The following LHFPL3 variants were observed in gnomAD, a reference collection of about 807,000 sequenced individuals.
LHFPL3 encodes the protein LHFPL tetraspan subfamily member 3, also known as LHFPL tetraspan subfamily member 3 protein.
LHFPL3 carries 5 observed loss-of-function variants against 19.3 expected under a neutral mutation model. That is an observed-to-expected ratio of 0.26 (90% CI 0.14 to 0.54). The LOEUF (loss-of-function observed/expected upper bound fraction) is 0.54. LHFPL3 is among the 20% of genes least tolerant of loss of function. LHFPL3 has a pLI of 0.94. For synonymous variants in LHFPL3, 133 were observed against 126.2 expected (o/e 1.05, Z -0.36); for missense variants, 249 against 307.4 (o/e 0.81, Z 1.42).
At chr7:104,792,497 C>T (rs946528358) in intron 2 of LHFPL3, among the ~76,000 whole-genome samples, 6 of 152,190 alleles carry the variant, frequency 3.9e-5, no homozygotes, top group African/African-American at 1.4e-4. Flanking sequence ...AGCTTTTTCA[C>T]TATTGGCTCT....
At chr7:104,542,477 G>A (rs546826713) in intron 1 of LHFPL3, among the ~76,000 whole-genome samples, 2 of 152,236 alleles carry the variant, frequency 1.3e-5, no homozygotes, top group African/African-American at 4.8e-5. Context: ...CCTTGTCACA[G>A]ACTGGGGCTG....
chr7:104,338,281 A>G (rs1038542071), intron 1 of LHFPL3, among the ~76,000 whole-genome samples: 2 of 151,692 alleles, frequency 1.3e-5, no homozygotes, highest in African/African-American at 2.4e-5. Context: ...TTGTATTTTT[A>G]GTAGAGACGG....
At chr7:104,337,948 T>C (rs1382208366) in intron 1 of LHFPL3, among the ~76,000 whole-genome samples, 1 of 152,176 alleles carries the variant, frequency 6.6e-6, no homozygotes, top group Non-Finnish European at 1.5e-5. Flanking sequence ...TACTGTAGTG[T>C]TTTAAAAACC....
intron 1 of LHFPL3, among the ~76,000 whole-genome samples, chr7:104,643,810 T>C (rs1476684582): frequency 6.6e-6 from 1 of 152,216 alleles, no homozygotes; most frequent in Non-Finnish European, 1.5e-5. Flanking sequence ...ATCTTCAGTG[T>C]AAAGCTTCCA....
intron 1 of LHFPL3, among the ~76,000 whole-genome samples, chr7:104,425,749 A>G (rs573693707): frequency 6.6e-6 from 1 of 152,312 alleles, no homozygotes; most frequent in East Asian, 1.9e-4. Context: ...TGTCTGAAGG[A>G]TTCTTTTAAC....
At chr7:104,565,199 A>T (rs774926276) in intron 1 of LHFPL3, among the ~76,000 whole-genome samples, 1 of 152,250 alleles carries the variant, frequency 6.6e-6, no homozygotes, top group Non-Finnish European at 1.5e-5. Context: ...AAGATGACAG[A>T]TTTACTGAAA....
At chr7:104,337,812 C>T (rs376716646) in intron 1 of LHFPL3, among the ~76,000 whole-genome samples, 4 of 152,102 alleles carry the variant, frequency 2.6e-5, no homozygotes, top group Non-Finnish European at 5.9e-5. Context: ...TAATAGCCAG[C>T]GATATTGTGG....
chr7:104,617,280 T>G (rs545124017), intron 1 of LHFPL3, among the ~76,000 whole-genome samples: 2 of 152,166 alleles, frequency 1.3e-5, no homozygotes, highest in South Asian at 4.2e-4. Context: ...ATTCAGAAAT[T>G]TTCAAACTTT....
chr7:104,899,619 G>C (rs1043375215), intron 2 of LHFPL3, among the ~76,000 whole-genome samples: 4 of 152,190 alleles, frequency 2.6e-5, no homozygotes, highest in African/African-American at 9.7e-5. Context: ...GAACAGAGAT[G>C]AATTTATTAT....
intron 1 of LHFPL3, among the ~76,000 whole-genome samples, chr7:104,708,150 C>T (rs2116202426): frequency 6.6e-6 from 1 of 152,298 alleles, no homozygotes; most frequent in South Asian, 2.1e-4. Context: ...CCCAAGAGAG[C>T]AAGGTCTTTG....
At position 104,502,491 on chromosome 7, in the gene LHFPL3, A is replaced by T. The variant is rs1167509537; in HGVS notation, c.445+173267A>T. Among the ~76,000 whole-genome samples the T allele has an allele frequency of 2.0e-5, 3 of 152,332 alleles. No individual in the cohort carries two copies. In the East Asian group the frequency reaches 5.8e-4, roughly 29 times the overall value. ...GCAAAAGAGTATAGAAATGGCATCT[A>T]CATGTTGGCTAAGCCATCTGGACTG... On this transcript the variant is annotated intron_variant, in intron 1 of 2. Coordinates refer to ENST00000424859, the MANE Select transcript of LHFPL3 (RefSeq NM_199000.3).
At chr7:104,627,641 C>A (rs1216157680) in intron 1 of LHFPL3, among the ~76,000 whole-genome samples, 3 of 152,138 alleles carry the variant, frequency 2.0e-5, no homozygotes, top group Non-Finnish European at 4.4e-5. Context: ...AAACAAGGAC[C>A]CTTTTAGCTT....
intron 1 of LHFPL3, among the ~76,000 whole-genome samples, chr7:104,719,954 G>T (rs1793456216): frequency 6.6e-6 from 1 of 152,132 alleles, no homozygotes; most frequent in Non-Finnish European, 1.5e-5. Flanking sequence ...ATAACAAATG[G>T]CAGCCTCCTA....
At chr7:104,442,688 G>T (rs1358255019) in intron 1 of LHFPL3, among the ~76,000 whole-genome samples, 1 of 152,158 alleles carries the variant, frequency 6.6e-6, no homozygotes, top group Admixed American at 6.5e-5. Context: ...GCAATGTTTA[G>T]TTAGATTATT....
chr7:104,607,232 C>T (rs574871679), intron 1 of LHFPL3, among the ~76,000 whole-genome samples: 40 of 152,348 alleles, frequency 2.6e-4, no homozygotes, highest in Middle Eastern at 6.8e-3. Flanking sequence ...AAATTAGCTT[C>T]GGCCTATGCC....
At chr7:104,745,167 C>T (rs1361968546) in intron 2 of LHFPL3, among the ~76,000 whole-genome samples, 2 of 152,212 alleles carry the variant, frequency 1.3e-5, no homozygotes, top group East Asian at 1.9e-4. Context: ...TCCCTTTCCT[C>T]TCTGGCCAAC....
At chr7:104,366,766 A>AT (rs1790502680) in intron 1 of LHFPL3, among the ~76,000 whole-genome samples, 1 of 152,222 alleles carries the variant, frequency 6.6e-6, no homozygotes, top group African/African-American at 2.4e-5. Flanking sequence ...CATTCTTGAT[A>AT]AAAGAGTGAT....
chr7:104,833,038 T>TATATTATATATAATAG (rs1554349396), intron 2 of LHFPL3, among the ~76,000 whole-genome samples: 16,687 of 21,550 alleles, frequency 0.77, 7,035 homozygotes, highest in Non-Finnish European at 0.86. Flanking sequence ...ATATTATATA[T>TATATTATATATAATAG]ATATATTATA....
At chr7:104,771,816 C>CTTTTTTTTTT in intron 2 of LHFPL3, among the ~76,000 whole-genome samples, 1 of 75,412 alleles carries the variant, frequency 1.3e-5, no homozygotes, top group Non-Finnish European at 2.4e-5. Context: ...TTTTGCCTCT[C>CTTTTTTTTTT]TTTTTTTTTT....
Sources: allele counts gnomAD v4.1 joint callset (sites outside exome capture counted in the v4.1 genomes callset), GRCh38; gene constraint gnomAD v4.1.1; transcripts MANE v1.5; gene names NCBI Gene and HGNC (gene_info 2026-07-23, HGNC 2026-07-21).